Variants in GFRA1 observed in about 807,000 individuals in gnomAD.
The protein encoded by GFRA1 is GDNF family receptor alpha-1.
In GFRA1, 16 loss-of-function variants were observed where a neutral mutation model predicts 51.6. The ratio of observed to expected loss-of-function variants is 0.31; its 90% CI spans 0.21 to 0.47. GFRA1 has a LOEUF of 0.47. Ranked by LOEUF, GFRA1 falls within the 20% of genes least tolerant of loss-of-function variation. The pLI, the probability that GFRA1 is intolerant of heterozygous loss-of-function variation, is 1.00. For synonymous variants in GFRA1, 270 were observed against 241.3 expected (o/e 1.12, Z -1.10); for missense variants, 530 against 594.3 (o/e 0.89, Z 1.13).
intron 4 of GFRA1, among the ~76,000 whole-genome samples, chr10:116,225,319 G>A (rs975607267): frequency 4.0e-5 from 6 of 151,824 alleles, no homozygotes; most frequent in African/African-American, 1.2e-4. Context: ...GGCGGATCAC[G>A]AGGTCATCAG....
intron 4 of GFRA1, among the ~76,000 whole-genome samples, chr10:116,238,553 T>C (rs978023436): frequency 1.3e-5 from 2 of 152,212 alleles, no homozygotes; most frequent in Non-Finnish European, 2.9e-5. Context: ...GATCGGAAAA[T>C]GCACACCCAT....
chr10:116,168,503 T>G (rs904718812), intron 5 of GFRA1, among the ~76,000 whole-genome samples: 2 of 152,172 alleles, frequency 1.3e-5, no homozygotes, highest in Non-Finnish European at 2.9e-5. Flanking sequence ...CTTCTGCAAC[T>G]GTCTACCTAC....
intron 6 of GFRA1, among the ~76,000 whole-genome samples, chr10:116,098,643 G>A (rs887971484): frequency 2.6e-5 from 4 of 152,226 alleles, no homozygotes; most frequent in South Asian, 2.1e-4. Context: ...CAATGCTCCC[G>A]GCCTGTCCCC....
At chr10:116,192,508 G>A (rs1024862262) in intron 5 of GFRA1, among the ~76,000 whole-genome samples, 2 of 152,150 alleles carry the variant, frequency 1.3e-5, no homozygotes, top group African/African-American at 4.8e-5. Context: ...CCTGGTGAAG[G>A]GTGAATGAAT....
At position 116,191,068 on chromosome 10, in the gene GFRA1, T is replaced by C. The variant is rs139817230; in HGVS notation, c.433+20563A>G. Among the ~76,000 whole-genome samples, 236 of 152,328 alleles carry C rather than the reference T, an allele frequency of 1.5e-3. 1 individual carries two copies. Among genetic ancestry groups the C allele is most frequent in the Non-Finnish European group, 2.6e-3 (180 of 68,022 alleles). On this transcript the variant is annotated intron_variant, in intron 5 of 10. Transcript: ENST00000355422. The stretch of plus-strand genomic sequence containing the variant: ...CTGGTGCAAGGCAGTTTGGTATCAA[T>C]GCAATAATTTCTGGATAGCTGCCAT...
intron 4 of GFRA1, among the ~76,000 whole-genome samples, chr10:116,251,326 G>A (rs1589911899): frequency 6.6e-6 from 1 of 152,174 alleles, no homozygotes. Flanking sequence ...AGAGCACATG[G>A]CAGGTCAGAG....
intron 5 of GFRA1, among the ~76,000 whole-genome samples, chr10:116,192,185 G>GA (rs1589858772): frequency 6.6e-6 from 1 of 152,128 alleles, no homozygotes; most frequent in East Asian, 1.9e-4. Flanking sequence ...CCCCAGCTTT[G>GA]AATGGGCACC....
At chr10:116,250,824 C>A (rs1005733494) in intron 4 of GFRA1, among the ~76,000 whole-genome samples, 2 of 152,212 alleles carry the variant, frequency 1.3e-5, no homozygotes, top group Admixed American at 6.5e-5. Flanking sequence ...CCATTGCTAG[C>A]CCCCTGCACA....
rs531735303 is a variant in GFRA1 at position 116,201,568 on chromosome 10, C to CA, written c.433+10062dup. ...GCCCAATTAGACATTCAGTTCCCTT[C>CA]AAAACCACCTCCCAAACCATTCTTG... On this transcript the variant is annotated intron_variant, in intron 5 of 10. Transcript: ENST00000355422. 2.2e-3 allele frequency among the ~76,000 whole-genome samples: 339 copies of CA among 152,210 alleles called. 3 individuals are homozygous for CA. The highest frequency in any genetic ancestry group is 7.6e-3 in the African/African-American group (315 of 41,532).
intron 6 of GFRA1, among the ~76,000 whole-genome samples, chr10:116,099,175 C>A (rs1956721468): frequency 6.6e-6 from 1 of 152,186 alleles, no homozygotes; most frequent in African/African-American, 2.4e-5. Context: ...CTGGGGCCAG[C>A]TCATCACTGG....
intron 5 of GFRA1, among the ~76,000 whole-genome samples, chr10:116,181,121 A>G (rs1353084927): frequency 1.3e-5 from 2 of 152,344 alleles, no homozygotes; most frequent in East Asian, 1.9e-4. Context: ...GAACCCAGGT[A>G]CAAAGATGTT....
chr10:116,127,209 A>G (rs998868503), intron 5 of GFRA1, among the ~76,000 whole-genome samples: 2 of 152,210 alleles, frequency 1.3e-5, no homozygotes, highest in African/African-American at 4.8e-5. Flanking sequence ...ATTGTTATCA[A>G]TATTCTATTG....
At chr10:116,086,886 C>T (rs569716062) in intron 9 of GFRA1, among the ~76,000 whole-genome samples, 10 of 152,210 alleles carry the variant, frequency 6.6e-5, no homozygotes, top group Admixed American at 2.0e-4. Flanking sequence ...GGTGCAATCA[C>T]GGCTCACTGC....
intron 9 of GFRA1, among the ~76,000 whole-genome samples, chr10:116,077,242 A>G (rs906938516): frequency 7.9e-5 from 12 of 151,928 alleles, no homozygotes; most frequent in Non-Finnish European, 1.8e-4. Flanking sequence ...TAGGGATAAA[A>G]GAGTTTTTAA....
intron 4 of GFRA1, 88 bp from the exon 5 acceptor site, chr10:116,211,733 G>A (rs1486180614): frequency 4.6e-6 from 5 of 1,085,360 alleles, no homozygotes; most frequent in Non-Finnish European, 6.9e-6. Flanking sequence ...AGGACAGTAT[G>A]ATGATGACAT....
intron 6 of GFRA1, among the ~76,000 whole-genome samples, chr10:116,100,544 T>C (rs1750674801): frequency 6.6e-6 from 1 of 152,196 alleles, no homozygotes; most frequent in South Asian, 2.1e-4. Context: ...GAAAATATGC[T>C]GATGAGGTCT....
chr10:116,096,879 ACGC>A, intron 6 of GFRA1, 115 bp from the exon 7 acceptor site: 1 of 215,616 alleles, frequency 4.6e-6, no homozygotes, highest in Non-Finnish European at 1.0e-5. Context: ...GCACACGCAC[ACGC>A]ACACACACAC....
chr10:116,161,117 G>A (rs1258614611), intron 5 of GFRA1, among the ~76,000 whole-genome samples: 1 of 152,200 alleles, frequency 6.6e-6, no homozygotes, highest in African/African-American at 2.4e-5. Flanking sequence ...GGTGAGAGGT[G>A]AGCCCTGGTG....
intron 4 of GFRA1, among the ~76,000 whole-genome samples, chr10:116,221,010 C>A (rs1965885817): frequency 6.6e-6 from 1 of 152,116 alleles, no homozygotes; most frequent in Non-Finnish European, 1.5e-5. Flanking sequence ...ACATTCTGTC[C>A]ACTGTAGTCC....
Sources: allele counts gnomAD v4.1 joint callset (sites outside exome capture counted in the v4.1 genomes callset), GRCh38; gene constraint gnomAD v4.1.1; transcripts MANE v1.5; gene names NCBI Gene and HGNC (gene_info 2026-07-23, HGNC 2026-07-21).